The following PTPRK variants were observed in gnomAD, a reference collection of about 807,000 sequenced individuals.
The protein encoded by PTPRK is protein tyrosine phosphatase receptor type K.
A neutral mutation model predicts 178.0 loss-of-function variants in PTPRK; 75 were observed. That is an observed-to-expected ratio of 0.42 (90% CI 0.35 to 0.51). The LOEUF (loss-of-function observed/expected upper bound fraction) is 0.51. Ranked by LOEUF, PTPRK falls within the 20% of genes least tolerant of loss-of-function variation. PTPRK has a pLI of 0.02. For synonymous variants in PTPRK, 637 were observed against 620.6 expected, an observed-to-expected ratio of 1.03 and a Z score of -0.39; for missense variants, 1,441 against 1,797.8, an observed-to-expected ratio of 0.80 and a Z score of 3.59.
rs192147608 is a variant in PTPRK at position 128,409,256 on chromosome 6, T to C, written c.101-11568A>G. 3.9e-4 allele frequency: 174 copies of C among 443,836 alleles called. 1 individual carries two copies. Among genetic ancestry groups the C allele is most frequent in the African/African-American group, 3.2e-3 (157 of 49,676 alleles). The allele number at this position is 443,836 out of a possible 1,614,324, so 27.5% of individuals were successfully genotyped here. A position where few individuals can be genotyped will look rare whatever the true frequency, so the allele number is the denominator to read the frequency against. On this transcript the variant is annotated intron_variant, in intron 1 of 29. Coordinates refer to ENST00000368226, the MANE Select transcript of PTPRK (RefSeq NM_002844.4). Reference sequence around the variant, plus strand: ...AACTTATCTAAAACATGGCTATAACTTCCTATTATTCTCCTGACATCTAAT... The same window carrying C: ...AACTTATCTAAAACATGGCTATAACCTCCTATTATTCTCCTGACATCTAAT...
chr6:128,164,813 T>C (rs1317381021), intron 7 of PTPRK, among the ~76,000 whole-genome samples: 2 of 150,992 alleles, frequency 1.3e-5, no homozygotes, highest in Non-Finnish European at 3.0e-5. Flanking sequence ...AAATATACAT[T>C]ATATGGAATA....
intron 6 of PTPRK, among the ~76,000 whole-genome samples, chr6:128,192,957 G>A (rs1158196449): frequency 1.3e-5 from 2 of 148,958 alleles, no homozygotes; most frequent in Non-Finnish European, 1.5e-5. Flanking sequence ...AGGGAAGGAA[G>A]GAAGGAAAAA....
intron 2 of PTPRK, among the ~76,000 whole-genome samples, chr6:128,380,628 A>G (rs1837768441): frequency 6.6e-6 from 1 of 151,868 alleles, no homozygotes; most frequent in African/African-American, 2.4e-5. Flanking sequence ...ACATCCATGG[A>G]GCTGCAGGTT....
intron 1 of PTPRK, among the ~76,000 whole-genome samples, chr6:128,453,981 A>G (rs917523100): frequency 6.6e-6 from 1 of 152,178 alleles, no homozygotes; most frequent in Non-Finnish European, 1.5e-5. Flanking sequence ...TATGGATAAG[A>G]AAGAATAAGA....
intron 7 of PTPRK, among the ~76,000 whole-genome samples, chr6:128,148,105 T>C (rs190324268): frequency 5.3e-5 from 8 of 152,242 alleles, no homozygotes; most frequent in Admixed American, 5.2e-4. Flanking sequence ...CAGCCCATAT[T>C]TGGTTGAACC....
chr6:128,291,378 G>A (rs906614356), intron 3 of PTPRK, among the ~76,000 whole-genome samples: 37 of 152,240 alleles, frequency 2.4e-4, no homozygotes, highest in African/African-American at 8.9e-4. Flanking sequence ...TGAGACCCAT[G>A]TCAGGCTACT....
At chr6:128,367,254 C>T (rs763201171) in intron 2 of PTPRK, among the ~76,000 whole-genome samples, 2 of 152,106 alleles carry the variant, frequency 1.3e-5, no homozygotes, top group Non-Finnish European at 2.9e-5. Flanking sequence ...CCAACACTGA[C>T]AATTGGCGAC....
In PTPRK at chr6:128,083,814, G is replaced by C; in HGVS notation, c.1476C>G (p.Pro492=). Residue 492 remains proline (P), a synonymous_variant, in exon 9 of 30, where the codon CCC becomes CCG. Transcript: ENST00000368226. ...IIQTDEDVPG[P]VPVKSLQGTS... ...TTCCTTGAAGAGATTTTACTGGTAC[G>C]GGACCAGGCACTACAAAACACATGA... 2 of 1,578,432 alleles carry C rather than the reference G, an allele frequency of 1.3e-6. No individual in the cohort carries two copies. The highest frequency in any genetic ancestry group is 1.7e-6 in the Non-Finnish European group (2 of 1,160,408).
chr6:128,497,797 TATTA>T (rs902497818), intron 1 of PTPRK, among the ~76,000 whole-genome samples: 2 of 152,060 alleles, frequency 1.3e-5, no homozygotes, highest in African/African-American at 4.8e-5. Context: ...TTTTCCTTTC[TATTA>T]GATGTAGCTA....
chr6:128,340,149 T>C (rs761291528), intron 2 of PTPRK, among the ~76,000 whole-genome samples: 17 of 152,316 alleles, frequency 1.1e-4, no homozygotes, highest in African/African-American at 2.6e-4. Context: ...TCAAGAAGCA[T>C]TGGAGTTCTC....
chr6:128,312,848 T>C (rs956624156), intron 3 of PTPRK, among the ~76,000 whole-genome samples: 1 of 152,110 alleles, frequency 6.6e-6, no homozygotes, highest in Non-Finnish European at 1.5e-5. Context: ...GAATTAAACT[T>C]CAGTTCACCA....
Position 127,970,008 on chromosome 6 carries a change from G to A in PTPRK, c.*219C>T. On this transcript the variant is annotated 3_prime_UTR_variant, in exon 30 of 30. Coordinates refer to ENST00000368226, the MANE Select transcript of PTPRK (RefSeq NM_002844.4). ...GTTCTTATTAAATATAATTTATGTGGCATGAAATGTTGATGCTTTAATATA... is the reference window on the plus strand; with the variant it reads ...GTTCTTATTAAATATAATTTATGTGACATGAAATGTTGATGCTTTAATATA... 2.3e-6 allele frequency: 1 copy of A among 439,130 alleles called. No homozygotes were observed. Among genetic ancestry groups the A allele is most frequent in the Middle Eastern group, 3.2e-4 (1 of 3,124 alleles). The allele number at this position is 439,130 out of a possible 1,614,324, so 27.2% of individuals were successfully genotyped here. A position where few individuals can be genotyped will look rare whatever the true frequency, so the allele number is the denominator to read the frequency against.
At chr6:128,196,854 T>C (rs1370511994) in intron 6 of PTPRK, among the ~76,000 whole-genome samples, 2 of 152,150 alleles carry the variant, frequency 1.3e-5, no homozygotes, top group East Asian at 3.9e-4. Flanking sequence ...CCCTATCCTT[T>C]TCCACGCTCA....
At chr6:128,360,188 T>C (rs1375812745) in intron 2 of PTPRK, among the ~76,000 whole-genome samples, 3 of 152,164 alleles carry the variant, frequency 2.0e-5, no homozygotes, top group African/African-American at 7.2e-5. Context: ...AATCACAACA[T>C]TCTAACAAAA....
intron 7 of PTPRK, among the ~76,000 whole-genome samples, chr6:128,097,472 C>T (rs1305915831): frequency 6.6e-6 from 1 of 152,152 alleles, no homozygotes; most frequent in African/African-American, 2.4e-5. Context: ...AAGGACAGTA[C>T]TACCCAAGTG....
intron 2 of PTPRK, among the ~76,000 whole-genome samples, chr6:128,369,453 G>A (rs1000215921): frequency 6.6e-6 from 1 of 152,084 alleles, no homozygotes; most frequent in Non-Finnish European, 1.5e-5. Flanking sequence ...ATAAATAGGA[G>A]TTTAAGTTAG....
chr6:128,403,569 C>T (rs1251328097), intron 1 of PTPRK, among the ~76,000 whole-genome samples: 3 of 151,212 alleles, frequency 2.0e-5, no homozygotes, highest in Admixed American at 1.3e-4. Context: ...GCTCCTAACA[C>T]CCAACACAGT....
At chr6:128,017,798 A>G (rs1224080244) in intron 13 of PTPRK, among the ~76,000 whole-genome samples, 35 of 68,998 alleles carry the variant, frequency 5.1e-4, no homozygotes, top group East Asian at 1.4e-3. Context: ...ATAAATATAT[A>G]TGTGTATATA....
chr6:127,981,675 G>T (rs959706009), intron 24 of PTPRK, among the ~76,000 whole-genome samples: 3 of 152,136 alleles, frequency 2.0e-5, no homozygotes, highest in Non-Finnish European at 2.9e-5. Context: ...ATAAGCTATG[G>T]CATGTTGGAA....
Sources: allele counts gnomAD v4.1 joint callset (sites outside exome capture counted in the v4.1 genomes callset), GRCh38; gene constraint gnomAD v4.1.1; transcripts MANE v1.5; gene names NCBI Gene and HGNC (gene_info 2026-07-23, HGNC 2026-07-21).